PSD3: variants seen among roughly 807,000 people sequenced by gnomAD.
The protein encoded by PSD3 is pleckstrin and Sec7 domain containing 3, also known as PH and SEC7 domain-containing protein 3.
In PSD3, 49 loss-of-function variants were observed where a neutral mutation model predicts 105.5. The observed-to-expected ratio is 0.46, with a 90% CI of 0.37 to 0.59. The LOEUF is 0.59. Among genes scored for constraint, PSD3 ranks in the 20% least tolerant of loss-of-function variants. PSD3 has a pLI of 0.00. For missense variants in PSD3, 1,561 were observed against 1,263.8 expected (o/e 1.24, Z -3.57); for synonymous variants, 557 against 457.8 (o/e 1.22, Z -2.77).
intron 1 of PSD3, among the ~76,000 whole-genome samples, chr8:19,069,243 CTAATA>C (rs1420599753): frequency 2.6e-5 from 4 of 152,156 alleles, no homozygotes; most frequent in African/African-American, 9.7e-5. Flanking sequence ...GTTTTAAAAT[CTAATA>C]TAACAATAAA....
intron 8 of PSD3, among the ~76,000 whole-genome samples, chr8:18,778,642 T>G: frequency 8.1e-6 from 1 of 123,680 alleles, no homozygotes. Flanking sequence ...ATTTATTGAG[T>G]TTTTTTATTA....
At chr8:18,928,658 T>TTC (rs887310387) in intron 2 of PSD3, among the ~76,000 whole-genome samples, 3 of 151,508 alleles carry the variant, frequency 2.0e-5, no homozygotes, top group Non-Finnish European at 4.4e-5. Flanking sequence ...TCAGTGGGTG[T>TTC]TCTCTCTCTC....
intron 2 of PSD3, among the ~76,000 whole-genome samples, chr8:18,880,920 T>C (rs1438723172): frequency 1.3e-5 from 2 of 152,226 alleles, no homozygotes; most frequent in Non-Finnish European, 2.9e-5. Flanking sequence ...GAGTTCATAC[T>C]TTACTGCGTG....
chr8:18,933,099 A>C (rs1053460636), intron 2 of PSD3, among the ~76,000 whole-genome samples: 1 of 152,208 alleles, frequency 6.6e-6, no homozygotes, highest in African/African-American at 2.4e-5. Flanking sequence ...GTGCTCATTA[A>C]ATGTATTTGT....
At chr8:18,606,655 G>A (rs979299915) in intron 11 of PSD3, among the ~76,000 whole-genome samples, 3 of 152,082 alleles carry the variant, frequency 2.0e-5, no homozygotes, top group Non-Finnish European at 4.4e-5. Context: ...ATATTGCAGA[G>A]TGAGAACAAG....
At chr8:18,616,619 TTTTCTTTTC>T (rs973905737) in intron 11 of PSD3, among the ~76,000 whole-genome samples, 1 of 47,504 alleles carries the variant, frequency 2.1e-5, no homozygotes, top group African/African-American at 6.8e-5. Context: ...TCTTCCTCTC[TTTTCTTTTC>T]TTTTTTTTTT....
In PSD3 at chr8:18,575,257, G is replaced by C. The variant is rs755145442; in HGVS notation, c.2510C>G (p.Ser837Cys). 1.2e-6 allele frequency: 2 copies of C among 1,611,846 alleles called. No homozygotes were observed. The highest frequency in any genetic ancestry group is 1.7e-5 in the Admixed American group (1 of 59,684). ...KDEYKPEKAL[S>C]EEDLKNAVSV... ...CACAGCGTTTTTCAAGTCCTCTTCA[G>C]ACAAGGCCTTTTCTGGCTTGTATTC... The change falls in exon 13 of 16, where the codon TCT (serine) becomes TGT (cysteine). Residue 837 changes from serine to cysteine, a missense_variant. By Grantham distance (112) the Ser-to-Cys change is moderately radical. Transcript: ENST00000327040.
intron 9 of PSD3, among the ~76,000 whole-genome samples, chr8:18,724,310 C>A (rs1397214318): frequency 6.6e-6 from 1 of 152,112 alleles, no homozygotes. Flanking sequence ...CCAGAAATCT[C>A]CTTAGAGTTC....
At chr8:18,869,190 C>T (rs1206102032) in intron 3 of PSD3, among the ~76,000 whole-genome samples, 1 of 119,790 alleles carries the variant, frequency 8.3e-6, no homozygotes, top group African/African-American at 3.2e-5. Context: ...CTCTCCCCTG[C>T]TTTTTTTTTT....
At chr8:18,805,441 C>T (rs1811117088) in intron 4 of PSD3, among the ~76,000 whole-genome samples, 1 of 152,116 alleles carries the variant, frequency 6.6e-6, no homozygotes, top group African/African-American at 2.4e-5. Flanking sequence ...TGTGCCCTCA[C>T]TCATATTTCA....
At chr8:18,691,213 A>G (rs568524729) in intron 9 of PSD3, among the ~76,000 whole-genome samples, 1 of 152,228 alleles carries the variant, frequency 6.6e-6, no homozygotes, top group Non-Finnish European at 1.5e-5. Flanking sequence ...GAACACCCGT[A>G]TAAGTTAAAC....
chr8:19,044,870 T>A (rs1020845040), intron 1 of PSD3, among the ~76,000 whole-genome samples: 2 of 152,106 alleles, frequency 1.3e-5, no homozygotes, highest in Admixed American at 1.3e-4. Flanking sequence ...CAAGGTGGGA[T>A]GGAGATGAGA....
At chr8:18,691,936 G>A (rs78221029) in intron 9 of PSD3, among the ~76,000 whole-genome samples, 6,882 of 152,162 alleles carry the variant, frequency 0.045, 518 homozygotes, top group African/African-American at 0.15. Context: ...ACTTTTTGCT[G>A]TCTCATTTTC....
chr8:18,624,369 A>G (rs935244386), intron 11 of PSD3, among the ~76,000 whole-genome samples: 25 of 151,904 alleles, frequency 1.6e-4, no homozygotes, highest in Non-Finnish European at 3.4e-4. Flanking sequence ...ATGTCTTCAT[A>G]TATGTATTGA....
intron 9 of PSD3, among the ~76,000 whole-genome samples, chr8:18,723,925 T>C (rs183973555): frequency 2.6e-5 from 4 of 152,314 alleles, no homozygotes; most frequent in African/African-American, 9.6e-5. Context: ...GCAACTTCCG[T>C]TTCCATACAC....
chr8:18,747,551 G>C (rs1030732661), intron 9 of PSD3, among the ~76,000 whole-genome samples: 5 of 152,142 alleles, frequency 3.3e-5, no homozygotes, highest in Admixed American at 3.3e-4. Flanking sequence ...ATTAAAGTGG[G>C]AAAATGAATG....
At chr8:18,936,722 C>T (rs1048055810) in intron 1 of PSD3, among the ~76,000 whole-genome samples, 4 of 150,464 alleles carry the variant, frequency 2.7e-5, no homozygotes, top group African/African-American at 7.4e-5. Context: ...CGTGCCACTG[C>T]ACTCCAGCCT....
chr8:19,025,801 T>C (rs537941036), intron 1 of PSD3, among the ~76,000 whole-genome samples: 1 of 152,324 alleles, frequency 6.6e-6, no homozygotes, highest in South Asian at 2.1e-4. Context: ...AATTACTTGG[T>C]GTGGTAAAAA....
chr8:18,887,837 G>A (rs1818537228), intron 2 of PSD3, among the ~76,000 whole-genome samples: 1 of 152,134 alleles, frequency 6.6e-6, no homozygotes, highest in Non-Finnish European at 1.5e-5. Flanking sequence ...AATATAAGCA[G>A]GATAGAAAGT....
Sources: allele counts gnomAD v4.1 joint callset (sites outside exome capture counted in the v4.1 genomes callset), GRCh38; gene constraint gnomAD v4.1.1; transcripts MANE v1.5; gene names NCBI Gene and HGNC (gene_info 2026-07-23, HGNC 2026-07-21).